The following CREB3L2 variants were observed in gnomAD, a reference collection of about 807,000 sequenced individuals.
CREB3L2 encodes the protein cyclic AMP-responsive element-binding protein 3-like protein 2.
A neutral mutation model predicts 57.2 loss-of-function variants in CREB3L2; 23 were observed. That is an observed-to-expected ratio of 0.40 (90% CI 0.29 to 0.57). CREB3L2 has a LOEUF of 0.57. Ranked by LOEUF, CREB3L2 falls within the 20% of genes least tolerant of loss-of-function variation. CREB3L2 has a pLI of 0.42. For synonymous variants in CREB3L2, 268 were observed against 265.1 expected, an observed-to-expected ratio of 1.01 and a Z score of -0.11; for missense variants, 628 against 634.7, an observed-to-expected ratio of 0.99 and a Z score of 0.11.
At chr7:137,912,396 A>C (rs2117214545) in intron 4 of CREB3L2, among the ~76,000 whole-genome samples, 1 of 150,886 alleles carries the variant, frequency 6.6e-6, no homozygotes, top group African/African-American at 2.5e-5. Flanking sequence ...AAAAAAAAGT[A>C]TGATCACCTC....
At chr7:137,919,659 C>A (rs73729520) in intron 2 of CREB3L2, among the ~76,000 whole-genome samples, 3,247 of 152,162 alleles carry the variant, frequency 0.021, 33 homozygotes, top group African/African-American at 0.038. Context: ...CTGAAAATAA[C>A]CAAAACATTA....
chr7:137,986,046 C>T (rs536637024), intron 1 of CREB3L2, among the ~76,000 whole-genome samples: 2 of 152,164 alleles, frequency 1.3e-5, no homozygotes, highest in Admixed American at 6.5e-5. Flanking sequence ...CCCCATCTAG[C>T]GGCCACAAAC....
At chr7:137,883,773 T>C (rs1029581192) in intron 10 of CREB3L2, among the ~76,000 whole-genome samples, 1 of 152,170 alleles carries the variant, frequency 6.6e-6, no homozygotes. Flanking sequence ...TGCAGGTATG[T>C]TCATTGGCTA....
At chr7:137,997,237 C>T (rs1802001602) in intron 1 of CREB3L2, among the ~76,000 whole-genome samples, 1 of 152,102 alleles carries the variant, frequency 6.6e-6, no homozygotes, top group African/African-American at 2.4e-5. Flanking sequence ...ATTTTCTAGA[C>T]ATAGTGACGA....
At chr7:137,945,969 A>G (rs528993168) in intron 1 of CREB3L2, among the ~76,000 whole-genome samples, 1 of 152,264 alleles carries the variant, frequency 6.6e-6, no homozygotes, top group East Asian at 1.9e-4. Flanking sequence ...ACCAGCCACA[A>G]ATACTTAAAA....
At chr7:137,986,957 A>G (rs1801802786) in intron 1 of CREB3L2, among the ~76,000 whole-genome samples, 2 of 152,222 alleles carry the variant, frequency 1.3e-5, no homozygotes, top group Admixed American at 6.5e-5. Context: ...CCACTGCACC[A>G]TGCAGGTAAC....
Position 137,977,257 on chromosome 7 carries a change from T to C in CREB3L2, c.102+24347A>G, listed in dbSNP as rs139596903. ...AGTGGGATTAGCAATAAACCCTGCCTAGATTTTCTAGTCCAGACAGTCCAA... is the reference window on the plus strand; with the variant it reads ...AGTGGGATTAGCAATAAACCCTGCCCAGATTTTCTAGTCCAGACAGTCCAA... On this transcript the variant is annotated intron_variant, in intron 1 of 11. Transcript: ENST00000330387. Among the ~76,000 whole-genome samples, 298 of 152,308 alleles carry C rather than the reference T, an allele frequency of 2.0e-3. 1 individual carries two copies. The highest frequency in any genetic ancestry group is 6.9e-3 in the African/African-American group (287 of 41,566).
intron 1 of CREB3L2, among the ~76,000 whole-genome samples, chr7:137,976,196 A>G (rs78352294): frequency 0.049 from 7,402 of 152,192 alleles, 632 homozygotes; most frequent in African/African-American, 0.17. Flanking sequence ...TCTCAGTTGG[A>G]CCTCCTTGGG....
At chr7:137,912,250 G>A (rs775852154) in intron 4 of CREB3L2, among the ~76,000 whole-genome samples, 2 of 151,854 alleles carry the variant, frequency 1.3e-5, no homozygotes, top group African/African-American at 2.4e-5. Context: ...GGTGGTGCAC[G>A]CCTGTAATTG....
At chr7:137,889,577 C>T (rs945547512) in intron 8 of CREB3L2, among the ~76,000 whole-genome samples, 7 of 152,174 alleles carry the variant, frequency 4.6e-5, no homozygotes, top group Non-Finnish European at 8.8e-5. Context: ...GAAAGCGCAA[C>T]AGTGACTAAT....
intron 1 of CREB3L2, among the ~76,000 whole-genome samples, chr7:137,979,546 A>G (rs1429381348): frequency 6.6e-6 from 1 of 152,132 alleles, no homozygotes; most frequent in East Asian, 1.9e-4. Flanking sequence ...TAACATGGTG[A>G]AACCCCACCT....
chr7:137,968,723 G>T (rs1024469653), intron 1 of CREB3L2, among the ~76,000 whole-genome samples: 1 of 152,102 alleles, frequency 6.6e-6, no homozygotes, highest in Non-Finnish European at 1.5e-5. Flanking sequence ...TCCTCCAATG[G>T]GGGGTACAGC....
At chr7:137,981,974 T>C (rs906231358) in intron 1 of CREB3L2, among the ~76,000 whole-genome samples, 28 of 151,916 alleles carry the variant, frequency 1.8e-4, no homozygotes, top group African/African-American at 6.3e-4. Context: ...GTCTAATTAG[T>C]GCCCAGCAGC....
chr7:137,916,824 C>CAG (rs147912469), intron 2 of CREB3L2, among the ~76,000 whole-genome samples: 50 of 150,740 alleles, frequency 3.3e-4, no homozygotes, highest in Non-Finnish European at 6.4e-4. Flanking sequence ...GCGAGAGCGA[C>CAG]AGAGAGAGAG....
intron 1 of CREB3L2, among the ~76,000 whole-genome samples, chr7:137,946,832 A>ATATAGTTATCTATATAGTTATC (rs1800994931): frequency 1.9e-5 from 1 of 52,814 alleles, no homozygotes; most frequent in Non-Finnish European, 3.0e-5. Flanking sequence ...ATAGTTATCT[A>ATATAGTTATCTATATAGTTATC]TATATAGTTA....
intron 1 of CREB3L2, among the ~76,000 whole-genome samples, chr7:137,930,616 A>C (rs554361710): frequency 6.6e-6 from 1 of 152,344 alleles, no homozygotes; most frequent in East Asian, 1.9e-4. Context: ...AAAGAGTTAG[A>C]ACGGTGAAAT....
chr7:137,996,557 A>C lies in CREB3L2; in HGVS notation c.102+5047T>G, dbSNP rs771782841. Reference sequence around the variant, plus strand: ...GAGTTAACTCCAAAGTGGAACATCAAACCAAAAGCTTCAATATCGCATTGA... The same window carrying C: ...GAGTTAACTCCAAAGTGGAACATCACACCAAAAGCTTCAATATCGCATTGA... On this transcript the variant is annotated intron_variant, in intron 1 of 11. Transcript: ENST00000330387. Among the ~76,000 whole-genome samples the C allele has an allele frequency of 3.5e-4, 54 of 152,366 alleles. 1 individual carries two copies. Among genetic ancestry groups the C allele is most frequent in the Non-Finnish European group, 3.4e-4 (23 of 68,040 alleles).
At position 137,876,910 on chromosome 7, in the gene CREB3L2, T is replaced by C. The variant is rs758452039; in HGVS notation, c.*3566A>G. 6.9e-5 allele frequency: 16 copies of C among 232,286 alleles called. No individual in the cohort carries two copies. Among genetic ancestry groups the C allele is most frequent in the Non-Finnish European group, 1.1e-4 (13 of 117,530 alleles). The allele number at this position is 232,286 out of a possible 1,614,324, so 14.4% of individuals were successfully genotyped here. On this transcript the variant is annotated 3_prime_UTR_variant, in exon 12 of 12. Coordinates refer to ENST00000330387, the MANE Select transcript of CREB3L2 (RefSeq NM_194071.4). Reference sequence around the variant, plus strand: ...CCATTATTCAACTGGGGGTGGGATGTCTCCATTTCTGGACTGTGCTCAAAT... The same window carrying C: ...CCATTATTCAACTGGGGGTGGGATGCCTCCATTTCTGGACTGTGCTCAAAT...
intron 1 of CREB3L2, chr7:137,955,253 G>C: frequency 7.8e-7 from 1 of 1,288,440 alleles, no homozygotes; most frequent in Non-Finnish European, 1.0e-6. Flanking sequence ...AACAGGTATA[G>C]AAAAAGCACG....
Sources: allele counts gnomAD v4.1 joint callset (sites outside exome capture counted in the v4.1 genomes callset), GRCh38; gene constraint gnomAD v4.1.1; transcripts MANE v1.5; gene names NCBI Gene and HGNC (gene_info 2026-07-23, HGNC 2026-07-21).